Variants in DLG2 observed in about 807,000 individuals in gnomAD.
DLG2 encodes the protein discs large MAGUK scaffold protein 2.
In DLG2, 45 loss-of-function variants were observed where a neutral mutation model predicts 132.5. The observed-to-expected ratio is 0.34, with a 90% confidence interval of 0.27 to 0.44. DLG2 has a LOEUF of 0.44. Among genes scored for constraint, DLG2 ranks in the 20% least tolerant of loss-of-function variants. The pLI is 1.00. For missense variants in DLG2, 1,045 were observed against 1,196.9 expected (o/e 0.87, Z 1.87); for synonymous variants, 424 against 419.6 (o/e 1.01, Z -0.13).
At chr11:84,632,553 T>C (rs1473635099) in intron 6 of DLG2, among the ~76,000 whole-genome samples, 5 of 152,172 alleles carry the variant, frequency 3.3e-5, no homozygotes, top group African/African-American at 1.2e-4. Flanking sequence ...AAGGAGCATT[T>C]ACCATAGTAA....
intron 11 of DLG2, among the ~76,000 whole-genome samples, chr11:83,982,934 A>G (rs2092924573): frequency 6.6e-6 from 1 of 152,154 alleles, no homozygotes; most frequent in Non-Finnish European, 1.5e-5. Flanking sequence ...AACATGGTAT[A>G]CAGGTTTGTA....
chr11:85,558,184 C>A (rs768923616), intron 3 of DLG2, among the ~76,000 whole-genome samples: 1 of 151,768 alleles, frequency 6.6e-6, no homozygotes, highest in Admixed American at 6.6e-5. Flanking sequence ...ACACAAGTGG[C>A]CAACAAACAT....
chr11:84,151,280 G>C (rs914035918), intron 9 of DLG2, among the ~76,000 whole-genome samples: 5 of 151,878 alleles, frequency 3.3e-5, no homozygotes, highest in Admixed American at 6.6e-5. Flanking sequence ...TCAATCTTAG[G>C]AGGTTGTATG....
intron 14 of DLG2, among the ~76,000 whole-genome samples, chr11:83,931,002 A>G (rs2080090715): frequency 2.0e-5 from 3 of 152,318 alleles, no homozygotes; most frequent in East Asian, 1.9e-4. Flanking sequence ...TTCTATGTGG[A>G]TAAAGATAAA....
At chr11:84,406,210 A>C (rs2098848460) in intron 7 of DLG2, among the ~76,000 whole-genome samples, 1 of 152,064 alleles carries the variant, frequency 6.6e-6, no homozygotes, top group Non-Finnish European at 1.5e-5. Context: ...CCTTAACTTC[A>C]TACCTACCCA....
chr11:83,727,374 C>T (rs2090198697), intron 18 of DLG2, among the ~76,000 whole-genome samples: 1 of 152,080 alleles, frequency 6.6e-6, no homozygotes, highest in Non-Finnish European at 1.5e-5. Context: ...TCAGCTGGTC[C>T]CTCTCCACCT....
At chr11:84,834,558 A>G (rs951553098) in intron 6 of DLG2, among the ~76,000 whole-genome samples, 1 of 151,682 alleles carries the variant, frequency 6.6e-6, no homozygotes, top group African/African-American at 2.4e-5. Flanking sequence ...TGTGAAAAAA[A>G]TAAAAATGAA....
chr11:85,124,757 C>T (rs1324443091), intron 5 of DLG2, among the ~76,000 whole-genome samples: 1 of 151,998 alleles, frequency 6.6e-6, no homozygotes, highest in Non-Finnish European at 1.5e-5. Context: ...TGGATAAATA[C>T]TAAAGGGCAG....
intron 7 of DLG2, among the ~76,000 whole-genome samples, chr11:84,468,044 A>G (rs2099099121): frequency 1.3e-5 from 2 of 151,556 alleles, no homozygotes; most frequent in Admixed American, 1.3e-4. Context: ...CAAATTAAAA[A>G]CAATACCTAC....
chr11:83,900,699 T>G (rs1452581701), intron 15 of DLG2, among the ~76,000 whole-genome samples: 1 of 152,178 alleles, frequency 6.6e-6, no homozygotes, highest in Non-Finnish European at 1.5e-5. Context: ...AGGCAGAAGT[T>G]TGCTGTAGAG....
intron 2 of DLG2, among the ~76,000 whole-genome samples, chr11:85,603,849 C>T (rs971516336): frequency 7.2e-5 from 11 of 152,080 alleles, no homozygotes; most frequent in African/African-American, 2.4e-4. Context: ...CCCAGGAGTT[C>T]GAGGCTTCAG....
intron 11 of DLG2, among the ~76,000 whole-genome samples, chr11:84,010,402 C>T (rs947743860): frequency 1.3e-5 from 2 of 151,976 alleles, no homozygotes; most frequent in Admixed American, 6.6e-5. Context: ...AAGCAATCTT[C>T]CTGCCTCAGC....
intron 21 of DLG2, among the ~76,000 whole-genome samples, chr11:83,485,098 T>C (rs2093419237): frequency 6.6e-6 from 1 of 150,510 alleles, no homozygotes; most frequent in Admixed American, 6.7e-5. Context: ...AAAATGGCAG[T>C]CACTCTAGAT....
intron 6 of DLG2, among the ~76,000 whole-genome samples, chr11:85,011,178 A>C (rs959340879): frequency 1.3e-5 from 2 of 152,196 alleles, no homozygotes; most frequent in African/African-American, 4.8e-5. Context: ...AAACTACTTC[A>C]TTCTGCAATG....
At chr11:85,472,964 AGCTGTGACATGCT>A (rs2093032051) in intron 3 of DLG2, among the ~76,000 whole-genome samples, 4 of 152,204 alleles carry the variant, frequency 2.6e-5, no homozygotes, top group Admixed American at 2.6e-4. Context: ...CTCAGGCCAG[AGCTGTGACATGCT>A]GTAACACTGC....
intron 3 of DLG2, among the ~76,000 whole-genome samples, chr11:85,350,668 C>T (rs1020981782): frequency 6.6e-6 from 1 of 152,186 alleles, no homozygotes; most frequent in Non-Finnish European, 1.5e-5. Context: ...AATAGGCAAT[C>T]CTTTCCCCAC....
intron 16 of DLG2, among the ~76,000 whole-genome samples, chr11:83,843,600 T>C (rs1595298220): frequency 1.5e-5 from 2 of 135,034 alleles, no homozygotes; most frequent in South Asian, 2.5e-4. Flanking sequence ...AACAAAAATA[T>C]TGTTTCATGA....
intron 8 of DLG2, among the ~76,000 whole-genome samples, chr11:84,169,314 AG>A (rs1302840526): frequency 6.6e-6 from 1 of 151,818 alleles, no homozygotes; most frequent in African/African-American, 2.4e-5. Context: ...TCTGGCACAA[AG>A]CAGATCTTCA....
intron 14 of DLG2, among the ~76,000 whole-genome samples, chr11:83,951,304 G>T (rs755491477): frequency 6.6e-5 from 10 of 152,064 alleles, no homozygotes; most frequent in Non-Finnish European, 1.0e-4. Flanking sequence ...TCTTACTTGT[G>T]CTGGGACTAA....
Sources: gnomAD v4.1 joint callset for allele counts (sites outside exome capture counted in the v4.1 genomes callset) on GRCh38, gnomAD v4.1.1 for gene constraint, MANE v1.5 for transcripts, NCBI Gene and HGNC (gene_info 2026-07-23, HGNC 2026-07-21) for gene names.